DNAJC10: variants seen among roughly 807,000 people sequenced by gnomAD.
The protein encoded by DNAJC10 is DnaJ heat shock protein family (Hsp40) member C10, also known as endoplasmic reticulum disulfide reductase DNAJC10.
A neutral mutation model predicts 115.0 loss-of-function variants in DNAJC10; 101 were observed. That is an observed-to-expected ratio of 0.88 (90% CI 0.75 to 1.04). The LOEUF (loss-of-function observed/expected upper bound fraction) is 1.04. Among genes scored for constraint, DNAJC10 ranks in the 50% least tolerant of loss-of-function variants. The pLI is 0.00. For synonymous variants in DNAJC10, 307 were observed against 301.5 expected, an observed-to-expected ratio of 1.02 and a Z score of -0.19; for missense variants, 981 against 928.8, an observed-to-expected ratio of 1.06 and a Z score of -0.73.
rs1290535195 is a variant in DNAJC10 at position 182,757,776 on chromosome 2, C to G, written c.1894C>G (p.Pro632Ala). The part of the protein sequence containing the change: ...FCAQENVQRY[P>A]EIRFFPPKSN... Reference sequence around the variant, plus strand: ...TGCCCAGGAAAACGTTCAAAGATACCCTGAGATAAGATTTTTTCCCCCAAA... The same window carrying G: ...TGCCCAGGAAAACGTTCAAAGATACGCTGAGATAAGATTTTTTCCCCCAAA... The change falls in exon 19 of 24, where the codon CCT becomes GCT. Residue 632 changes from proline to alanine, a missense_variant. Coordinates refer to ENST00000264065, the MANE Select transcript of DNAJC10 (RefSeq NM_018981.4). The G allele has an allele frequency of 1.9e-6, 3 of 1,580,890 alleles. No individual in the cohort carries two copies. The highest frequency in any genetic ancestry group is 2.3e-5 in the East Asian group (1 of 44,302).
In DNAJC10 at chr2:182,788,982, A is replaced by G. The variant is rs372465424; in HGVS notation, c.*11850A>G. ...GCATACAGTTCAGTAGTGTTAAGTAATTTCACATTGTTCAACCCATCTCCG... is the reference window on the plus strand; with the variant it reads ...GCATACAGTTCAGTAGTGTTAAGTAGTTTCACATTGTTCAACCCATCTCCG... On this transcript the variant is annotated 3_prime_UTR_variant, in exon 24 of 24. Coordinates refer to ENST00000264065, the MANE Select transcript of DNAJC10 (RefSeq NM_018981.4). 2.4e-5 allele frequency: 7 copies of G among 288,100 alleles called. No individual in the cohort carries two copies. The highest frequency in any genetic ancestry group is 1.1e-3 in the Middle Eastern group (1 of 878). 17.8% of individuals were successfully genotyped at this position (288,100 alleles called of 1,614,324 possible). A position where few individuals can be genotyped will look rare whatever the true frequency, so the allele number is the denominator to read the frequency against.
intron 10 of DNAJC10, among the ~76,000 whole-genome samples, chr2:182,732,979 T>C (rs751546719): frequency 9.2e-5 from 14 of 152,036 alleles, no homozygotes; most frequent in Non-Finnish European, 2.1e-4. Context: ...CCACACAAAT[T>C]GTCAGTTTTG....
rs1037086887 is a variant in DNAJC10, at chr2:182,771,856, T to G, written c.2266-3460T>G. Among the ~76,000 whole-genome samples, 15 of 152,330 alleles carry G rather than the reference T, an allele frequency of 9.8e-5. No homozygotes were observed. The South Asian group carries it at 2.1e-3, about 21-fold the overall frequency. ...CTGATCTTAGTTATTTCTTGTCTTC[T>G]GCTAGCTTTTGAATTTGTTTGCTCT... On this transcript the variant is annotated intron_variant, in intron 22 of 23. Transcript: ENST00000264065.
Position 182,728,671 on chromosome 2 carries a change from C to T in DNAJC10, c.501+13C>T. ...TTTAGCTCCCACAGTATGTATTTTT[C>T]ACATCCTCATTACTAGTTTTATTTC... On this transcript the variant is annotated intron_variant, in intron 6 of 23. Coordinates refer to ENST00000264065, the MANE Select transcript of DNAJC10 (RefSeq NM_018981.4). The T allele has an allele frequency of 6.2e-7, 1 of 1,602,044 alleles. No individual in the cohort carries two copies. Among genetic ancestry groups the T allele is most frequent in the Non-Finnish European group, 8.5e-7 (1 of 1,171,878 alleles).
In DNAJC10 at chr2:182,775,349, G is replaced by C. The variant is rs768551472; in HGVS notation, c.2299G>C (p.Asp767His). The C allele has an allele frequency of 2.5e-6, 4 of 1,612,724 alleles. No homozygotes were observed. The highest frequency in any genetic ancestry group is 3.3e-5 in the Admixed American group (2 of 59,952). The stretch of plus-strand genomic sequence containing the variant: ...TCAAGAAGAGCAGATAAATACCAGA[G>C]ATGCAAAAGCAATCGCTGCCTTAAT... Reference protein sequence around the residue: ...NFQEEQINTRDAKAIAALISE... With the variant: ...NFQEEQINTRHAKAIAALISE... Residue 767 changes from aspartate to histidine, a missense_variant, in exon 23 of 24, where the codon GAT (aspartate) becomes CAT (histidine). Transcript: ENST00000264065.
In DNAJC10 at chr2:182,791,078, T is replaced by G. The variant is rs1393531034; in HGVS notation, c.*13946T>G. Reference sequence around the variant, plus strand: ...TGGGATAAAATATTCACTACATAAATTTAGTGGATAAATACCCCCACAGAG... The same window carrying G: ...TGGGATAAAATATTCACTACATAAAGTTAGTGGATAAATACCCCCACAGAG... On this transcript the variant is annotated 3_prime_UTR_variant, in exon 24 of 24. Transcript: ENST00000264065. The G allele has an allele frequency of 3.3e-5, 5 of 152,154 alleles. No homozygotes were observed. Among genetic ancestry groups the G allele is most frequent in the Non-Finnish European group, 1.5e-5 (1 of 68,026 alleles). 9.4% of individuals were successfully genotyped at this position (152,154 alleles called of 1,614,324 possible).
chr2:182,771,710 TTC>T (rs1259261143), intron 22 of DNAJC10, among the ~76,000 whole-genome samples: 2 of 152,228 alleles, frequency 1.3e-5, no homozygotes, highest in African/African-American at 4.8e-5. Flanking sequence ...CATTTGATTC[TTC>T]TCTCTTTTCC....
rs1268135829 is a variant in DNAJC10 at position 182,775,351 on chromosome 2, T to C, written c.2301T>C (p.Asp767=). ...NFQEEQINTR[D]AKAIAALISE... Reference sequence around the variant, plus strand: ...AAGAAGAGCAGATAAATACCAGAGATGCAAAAGCAATCGCTGCCTTAATAA... The same window carrying C: ...AAGAAGAGCAGATAAATACCAGAGACGCAAAAGCAATCGCTGCCTTAATAA... Residue 767 remains aspartate (D), a synonymous_variant, in exon 23 of 24, where the codon GAT becomes GAC. Coordinates refer to ENST00000264065, the MANE Select transcript of DNAJC10 (RefSeq NM_018981.4). 3 of 1,612,978 alleles carry C rather than the reference T, an allele frequency of 1.9e-6. No homozygotes were observed. The Admixed American group carries it at 5.0e-5, about 27-fold the overall frequency.
Position 182,720,006 on chromosome 2 carries a change from G to C in DNAJC10, c.205-1G>C. On this transcript the variant is annotated splice_acceptor_variant, in intron 3 of 23. Transcript: ENST00000264065. LOFTEE classifies it high-confidence loss of function. ...GTATTATATCTAATATTTTTTAACAGAATAACCCAAATGCACATGGCGATT... is the reference window on the plus strand; with the variant it reads ...GTATTATATCTAATATTTTTTAACACAATAACCCAAATGCACATGGCGATT... 1 of 1,496,658 alleles carries C rather than the reference G, an allele frequency of 6.7e-7. No homozygotes were observed. The highest frequency in any genetic ancestry group is 9.2e-7 in the Non-Finnish European group (1 of 1,088,268). 92.7% of individuals were successfully genotyped at this position (1,496,658 alleles called of 1,614,324 possible).
At position 182,786,022 on chromosome 2, in the gene DNAJC10, G is replaced by A. The variant is rs1361151175; in HGVS notation, c.*8890G>A. ...AGGGACTTTGGGTAGTTGTTAAATG[G>A]ATGGCTGTATCATAAGTATTGAAGC... On this transcript the variant is annotated 3_prime_UTR_variant, in exon 24 of 24. Transcript: ENST00000264065. The A allele has an allele frequency of 6.6e-6, 1 of 152,094 alleles. No individual in the cohort carries two copies. Among genetic ancestry groups the A allele is most frequent in the African/African-American group, 2.4e-5 (1 of 41,418 alleles). 9.4% of individuals were successfully genotyped at this position (152,094 alleles called of 1,614,324 possible). A position where few individuals can be genotyped will look rare whatever the true frequency, so the allele number is the denominator to read the frequency against.
chr2:182,744,408 G>A lies in DNAJC10; in HGVS notation c.1306+696G>A, dbSNP rs117764430. ...TTAAAATAGTGTAGCGGGGAACAGA[G>A]GAGGGAGATCCATAAGAAAACAAAA... On this transcript the variant is annotated intron_variant, in intron 14 of 23. Coordinates refer to ENST00000264065, the MANE Select transcript of DNAJC10 (RefSeq NM_018981.4). Among the ~76,000 whole-genome samples, 80 of 152,238 alleles carry A rather than the reference G, an allele frequency of 5.3e-4. No individual in the cohort carries two copies. In the East Asian group the frequency reaches 0.014, roughly 26 times the overall value.
chr2:182,746,510 T>C (rs1396950279), intron 14 of DNAJC10, among the ~76,000 whole-genome samples: 2 of 152,186 alleles, frequency 1.3e-5, no homozygotes, highest in Non-Finnish European at 2.9e-5. Flanking sequence ...TTTCATTTGT[T>C]TTTTGGCTGC....
rs941616584 is a variant in DNAJC10, at chr2:182,779,273, T to A, written c.*2141T>A. 1.3e-5 allele frequency: 2 copies of A among 152,182 alleles called. No homozygotes were observed. Among genetic ancestry groups the A allele is most frequent in the Admixed American group, 1.3e-4 (2 of 15,268 alleles). The allele number at this position is 152,182 out of a possible 1,614,324, so 9.4% of individuals were successfully genotyped here. On this transcript the variant is annotated 3_prime_UTR_variant, in exon 24 of 24. Coordinates refer to ENST00000264065, the MANE Select transcript of DNAJC10 (RefSeq NM_018981.4). The stretch of plus-strand genomic sequence containing the variant: ...AAAAACAGCTGGCAGATTGAGCTTT[T>A]AATGGCTATATTGATACAGTAGATA...
At chr2:182,757,132 G>A (rs1238392405) in intron 18 of DNAJC10, among the ~76,000 whole-genome samples, 2 of 152,014 alleles carry the variant, frequency 1.3e-5, no homozygotes, top group South Asian at 2.1e-4. Context: ...CTGAAAATAG[G>A]CACCATGTTT....
Position 182,755,035 on chromosome 2 carries a change from A to T in DNAJC10, c.1584A>T (p.Val528=). 1 of 1,608,396 alleles carries T rather than the reference A, an allele frequency of 6.2e-7. No homozygotes were observed. The change falls in exon 17 of 24, where the codon GTA becomes GTT. Residue 528 remains valine (V), a synonymous_variant. Transcript: ENST00000264065. ...TTCAGGCTTATCCAACAACAGTGGT[A>T]TTCAACCAGTCCAACATTCATGAGT... The part of the protein sequence containing the change: ...YNIQAYPTTV[V]FNQSNIHEYE...
chr2:182,772,302 T>A (rs1254206857), intron 22 of DNAJC10, among the ~76,000 whole-genome samples: 1 of 152,200 alleles, frequency 6.6e-6, no homozygotes, highest in Non-Finnish European at 1.5e-5. Context: ...TCTGTTGATT[T>A]GGGGTGGAGA....
intron 14 of DNAJC10, among the ~76,000 whole-genome samples, chr2:182,750,219 G>A (rs190150181): frequency 3.8e-3 from 571 of 152,244 alleles, no homozygotes; most frequent in Admixed American, 5.6e-3. Context: ...TGATTGTACC[G>A]TTCAATGTAA....
intron 17 of DNAJC10, among the ~76,000 whole-genome samples, 190 bp from the exon 18 acceptor site, chr2:182,756,124 A>T (rs1407047618): frequency 6.6e-6 from 1 of 152,214 alleles, no homozygotes; most frequent in Admixed American, 6.5e-5. Flanking sequence ...GAAATGCTCC[A>T]AAGTCTGAAT....
intron 5 of DNAJC10, among the ~76,000 whole-genome samples, chr2:182,725,660 A>T (rs959444996): frequency 6.6e-6 from 1 of 152,198 alleles, no homozygotes; most frequent in Non-Finnish European, 1.5e-5. Flanking sequence ...TGCAGAAAAA[A>T]GTTTGAAGCT....
Sources: allele counts gnomAD v4.1 joint callset (sites outside exome capture counted in the v4.1 genomes callset), GRCh38; gene constraint gnomAD v4.1.1; transcripts MANE v1.5; gene names NCBI Gene and HGNC (gene_info 2026-07-23, HGNC 2026-07-21).